ERC2: variants seen among roughly 807,000 people sequenced by gnomAD.
ERC2 encodes the protein ERC protein 2.
ERC2 carries 42 observed loss-of-function variants against 114.8 expected under a neutral mutation model. That is an observed-to-expected ratio of 0.37 (90% CI 0.29 to 0.47). The LOEUF (loss-of-function observed/expected upper bound fraction) is 0.47. ERC2 is among the 20% of genes least tolerant of loss of function. The probability of loss-of-function intolerance (pLI) is 0.99; values close to 1 mark genes in which losing one functional copy is unlikely to be tolerated. For missense variants in ERC2, 939 were observed against 1,150.7 expected (o/e 0.82, Z 2.66); for synonymous variants, 454 against 425.5 (o/e 1.07, Z -0.82).
intron 6 of ERC2, among the ~76,000 whole-genome samples, chr3:56,094,612 C>A (rs1368404025): frequency 6.6e-6 from 1 of 152,162 alleles, no homozygotes; most frequent in Non-Finnish European, 1.5e-5. Context: ...CTTTACCTAA[C>A]CTAAATTTCA....
chr3:56,038,925 G>A (rs1047153055), intron 7 of ERC2, among the ~76,000 whole-genome samples: 1 of 152,174 alleles, frequency 6.6e-6, no homozygotes, highest in African/African-American at 2.4e-5. Flanking sequence ...ACCCACTGGG[G>A]CCTGTGGTAG....
rs571906481 is a variant in ERC2, at chr3:56,011,391, G to A, written c.1780-802C>T. Among the ~76,000 whole-genome samples, 4 of 152,132 alleles carry A rather than the reference G, an allele frequency of 2.6e-5. No individual in the cohort carries two copies. The South Asian group carries it at 6.2e-4, about 24-fold the overall frequency. ...TAGAGGTGAGGAAACCCAGAGCTCC[G>A]AGATGCAAGGTGGCCCAGGTCATAA... is the stretch of plus-strand genomic sequence containing the variant. On this transcript the variant is annotated intron_variant, in intron 8 of 17. Coordinates refer to ENST00000288221, the MANE Select transcript of ERC2 (RefSeq NM_015576.3).
chr3:56,250,609 T>TAC (rs2052079741), intron 3 of ERC2, among the ~76,000 whole-genome samples: 1 of 152,144 alleles, frequency 6.6e-6, no homozygotes, highest in African/African-American at 2.4e-5. Context: ...CCACTCCACA[T>TAC]ACGCACACAT....
chr3:56,043,722 T>C (rs2075318186), intron 7 of ERC2, among the ~76,000 whole-genome samples: 2 of 152,186 alleles, frequency 1.3e-5, no homozygotes, highest in Admixed American at 6.6e-5. Flanking sequence ...ATTCTAAACT[T>C]ATAAGTTAGT....
intron 3 of ERC2, among the ~76,000 whole-genome samples, chr3:56,268,902 G>T (rs1414973394): frequency 3.3e-5 from 5 of 152,128 alleles, no homozygotes; most frequent in Non-Finnish European, 5.9e-5. Flanking sequence ...CCCTAAAGTT[G>T]ATTGTGCATG....
chr3:55,810,189 C>T (rs183191309), intron 14 of ERC2, among the ~76,000 whole-genome samples: 51 of 152,058 alleles, frequency 3.4e-4, no homozygotes, highest in Admixed American at 1.3e-3. Context: ...TTTGGTTACA[C>T]ACAGAAATCA....
intron 8 of ERC2, among the ~76,000 whole-genome samples, chr3:56,012,021 T>A (rs565547665): frequency 6.6e-6 from 1 of 152,304 alleles, no homozygotes; most frequent in South Asian, 2.1e-4. Context: ...AATATATTAT[T>A]ATAAGAGAGG....
chr3:56,032,959 CAG>C (rs1560056975), intron 7 of ERC2, among the ~76,000 whole-genome samples: 1 of 38,688 alleles, frequency 2.6e-5, no homozygotes, highest in East Asian at 7.4e-4. Flanking sequence ...AAGAAAGAAA[CAG>C]AAAGAAAGAA....
Position 55,992,245 on chromosome 3 carries a change from A to C in ERC2, c.2067T>G (p.His689Gln). ...TCATCCTGGAGTCATCTTCAATATTATGTGCCTTCAACATTACATTTTTAA... is the reference window on the plus strand; with the variant it reads ...TCATCCTGGAGTCATCTTCAATATTCTGTGCCTTCAACATTACATTTTTAA... ...SKLEAQLKKA[H>Q]NIEDDSRMNP... The change falls in exon 11 of 18, where the codon CAT (histidine) becomes CAG (glutamine). Residue 689 changes from histidine (H) to glutamine (Q), a missense_variant. Around this residue, in one of 5 missense-constraint regions of ERC2, gnomAD observed 328 missense variants for 353.9 expected, o/e 0.93. Transcript: ENST00000288221. 1 of 1,612,710 alleles carries C rather than the reference A, an allele frequency of 6.2e-7. No homozygotes were observed. The highest frequency in any genetic ancestry group is 8.5e-7 in the Non-Finnish European group (1 of 1,179,248).
At chr3:55,657,819 A>C (rs2060943793) in intron 17 of ERC2, 1 of 152,104 alleles carries the variant, frequency 6.6e-6, no homozygotes, top group Admixed American at 6.5e-5. Context: ...TGTAGATAAC[A>C]ATTTTTAATT....
Position 55,680,239 on chromosome 3 carries a change from C to A in ERC2, c.*39+3555G>T, listed in dbSNP as rs180939048. On this transcript the variant is annotated intron_variant, in intron 17 of 17. Transcript: ENST00000288221. ...CTAAAAATTTGCATATGTTTTCAATCAAAAAAGACTAATTCCTTTCTAGTG... is the reference window on the plus strand; with the variant it reads ...CTAAAAATTTGCATATGTTTTCAATAAAAAAAGACTAATTCCTTTCTAGTG... Among the ~76,000 whole-genome samples, 13 of 152,176 alleles carry A rather than the reference C, an allele frequency of 8.5e-5. No homozygotes were observed. In the East Asian group the frequency reaches 2.5e-3, roughly 29 times the overall value.
intron 13 of ERC2, among the ~76,000 whole-genome samples, chr3:55,899,393 T>A (rs568419873): frequency 6.6e-6 from 1 of 152,356 alleles, no homozygotes; most frequent in South Asian, 2.1e-4. Flanking sequence ...AAAGTTTGTA[T>A]GTGTATGGAT....
intron 17 of ERC2, among the ~76,000 whole-genome samples, chr3:55,594,464 C>A (rs900124470): frequency 7.1e-5 from 1 of 14,020 alleles, no homozygotes; most frequent in African/African-American, 8.2e-5. Flanking sequence ...GATTATAGAG[C>A]AGGTAGTTTT....
At chr3:55,788,665 C>T (rs944969881) in intron 14 of ERC2, among the ~76,000 whole-genome samples, 2 of 152,174 alleles carry the variant, frequency 1.3e-5, no homozygotes, top group Non-Finnish European at 2.9e-5. Context: ...CACACCCTAC[C>T]TCTCCCCAAG....
chr3:55,899,167 T>C (rs1050065655), intron 13 of ERC2, among the ~76,000 whole-genome samples: 13 of 152,282 alleles, frequency 8.5e-5, no homozygotes, highest in African/African-American at 2.9e-4. Context: ...TCAGAAATTA[T>C]TTCGGTCTTT....
At chr3:55,967,222 T>C (rs1414417972) in intron 12 of ERC2, among the ~76,000 whole-genome samples, 1 of 152,224 alleles carries the variant, frequency 6.6e-6, no homozygotes, top group East Asian at 1.9e-4. Flanking sequence ...TGTAGCATAA[T>C]TTAGAAATGA....
chr3:56,418,155 G>T (rs1020848171), intron 2 of ERC2, among the ~76,000 whole-genome samples: 1 of 151,974 alleles, frequency 6.6e-6, no homozygotes, highest in African/African-American at 2.4e-5. Context: ...AATATTAGGT[G>T]AGCATGTTGG....
At position 56,010,600 on chromosome 3, in the gene ERC2, A is replaced by G. The variant is rs770067237; in HGVS notation, c.1780-11T>C. 1.2e-6 allele frequency: 2 copies of G among 1,610,932 alleles called. No individual in the cohort carries two copies. The highest frequency in any genetic ancestry group is 8.5e-7 in the Non-Finnish European group (1 of 1,179,084). ...CTCAATTATTCTCTCCTGTAAGGCA[A>G]TTAACAAAAAAGAAGAGGTGAGAAC... On this transcript the variant is annotated splice_polypyrimidine_tract_variant and intron_variant, in intron 8 of 17. Coordinates refer to ENST00000288221, the MANE Select transcript of ERC2 (RefSeq NM_015576.3).
intron 17 of ERC2, among the ~76,000 whole-genome samples, chr3:55,587,708 C>T (rs529811800): frequency 1.3e-5 from 2 of 152,238 alleles, no homozygotes; most frequent in Admixed American, 6.5e-5. Context: ...CTTTCTGTGC[C>T]GTGTAGAGTA....
Sources: allele counts gnomAD v4.1 joint callset (sites outside exome capture counted in the v4.1 genomes callset), GRCh38; gene constraint gnomAD v4.1.1; regional missense constraint gnomAD v4.1.1; transcripts MANE v1.5; gene names NCBI Gene and HGNC (gene_info 2026-07-23, HGNC 2026-07-21).